Variants in GRIA1 observed in about 807,000 individuals in gnomAD.
GRIA1 encodes glutamate ionotropic receptor AMPA type subunit 1.
In GRIA1, 31 loss-of-function variants were observed where a neutral mutation model predicts 99.2. The observed-to-expected ratio is 0.31, with a 90% CI of 0.23 to 0.42. The LOEUF (loss-of-function observed/expected upper bound fraction) is 0.42. Ranked by LOEUF, GRIA1 falls within the 10% of genes least tolerant of loss-of-function variation. The pLI, the probability that GRIA1 is intolerant of heterozygous loss-of-function variation, is 1.00. For synonymous variants in GRIA1, 438 were observed against 432.4 expected (o/e 1.01, Z -0.16); for missense variants, 782 against 1,157.5 (o/e 0.68, Z 4.71).
chr5:153,527,550 A>T (rs1273139590), intron 2 of GRIA1, among the ~76,000 whole-genome samples: 2 of 152,152 alleles, frequency 1.3e-5, no homozygotes, highest in Non-Finnish European at 2.9e-5. Context: ...TGTGTAACCT[A>T]AGTGGATTAG....
intron 13 of GRIA1, among the ~76,000 whole-genome samples, chr5:153,773,631 G>A (rs1323796240): frequency 6.6e-6 from 1 of 152,084 alleles, no homozygotes; most frequent in Admixed American, 6.6e-5. Flanking sequence ...TAATTCTTTT[G>A]CATACATCTC....
chr5:153,640,485 T>G (rs1753710184), intron 2 of GRIA1, among the ~76,000 whole-genome samples: 1 of 152,216 alleles, frequency 6.6e-6, no homozygotes, highest in Non-Finnish European at 1.5e-5. Context: ...CCAGTCATAC[T>G]GGTGTTTCTG....
chr5:153,701,005 G>A (rs1315334424), intron 10 of GRIA1, among the ~76,000 whole-genome samples: 1 of 152,182 alleles, frequency 6.6e-6, no homozygotes, highest in Non-Finnish European at 1.5e-5. Flanking sequence ...GACCTGGATA[G>A]TACATGCTGC....
At chr5:153,693,182 T>C (rs548834224) in intron 8 of GRIA1, among the ~76,000 whole-genome samples, 3 of 152,232 alleles carry the variant, frequency 2.0e-5, no homozygotes, top group South Asian at 2.1e-4. Flanking sequence ...AGCTAACAGA[T>C]AGGAATGAAA....
intron 11 of GRIA1, among the ~76,000 whole-genome samples, chr5:153,708,575 A>G (rs963903252): frequency 1.3e-5 from 2 of 152,242 alleles, no homozygotes; most frequent in Non-Finnish European, 2.9e-5. Context: ...AAGTATGTAT[A>G]GATCCTATAA....
At chr5:153,809,689 T>C (rs1484571372) in intron 15 of GRIA1, among the ~76,000 whole-genome samples, 2 of 152,244 alleles carry the variant, frequency 1.3e-5, no homozygotes, top group African/African-American at 4.8e-5. Context: ...CTGGACACTC[T>C]GTGGGATAGC....
chr5:153,504,671 G>A (rs1466612295), intron 2 of GRIA1, among the ~76,000 whole-genome samples: 1 of 152,110 alleles, frequency 6.6e-6, no homozygotes, highest in Admixed American at 6.5e-5. Context: ...AAGCTGTAGG[G>A]GTCTTTGGTA....
At chr5:153,751,107 GAGA>G (rs1171399544) in intron 11 of GRIA1, among the ~76,000 whole-genome samples, 2 of 152,142 alleles carry the variant, frequency 1.3e-5, no homozygotes, top group African/African-American at 2.4e-5. Flanking sequence ...TCAAAAAAAA[GAGA>G]AGGAGAAGTA....
chr5:153,644,836 C>G (rs1754020543), intron 2 of GRIA1, among the ~76,000 whole-genome samples: 1 of 151,638 alleles, frequency 6.6e-6, no homozygotes, highest in Non-Finnish European at 1.5e-5. Flanking sequence ...GGTGCAGAGT[C>G]TCCCATGCAG....
At chr5:153,668,805 C>A (rs538185360) in intron 5 of GRIA1, among the ~76,000 whole-genome samples, 44 of 152,358 alleles carry the variant, frequency 2.9e-4, no homozygotes, top group African/African-American at 1.0e-3. Flanking sequence ...TCAAGAAAGA[C>A]AGCTACATTT....
At chr5:153,592,442 C>T (rs973058339) in intron 2 of GRIA1, among the ~76,000 whole-genome samples, 1 of 152,052 alleles carries the variant, frequency 6.6e-6, no homozygotes, top group Non-Finnish European at 1.5e-5. Flanking sequence ...ATCACTTTAT[C>T]TCTTGTATCC....
chr5:153,700,393 A>G (rs1758432123), intron 10 of GRIA1, among the ~76,000 whole-genome samples: 2 of 152,210 alleles, frequency 1.3e-5, no homozygotes, highest in African/African-American at 4.8e-5. Flanking sequence ...CTCAAAAATG[A>G]TAATAAAAAA....
At chr5:153,713,562 C>T (rs1475970237) in intron 11 of GRIA1, among the ~76,000 whole-genome samples, 1 of 152,220 alleles carries the variant, frequency 6.6e-6, no homozygotes, top group East Asian at 1.9e-4. Flanking sequence ...AGAAGTTTCA[C>T]AAGCTCCAAA....
Position 153,577,162 on chromosome 5 carries a change from A to T in GRIA1, c.221-69766A>T, listed in dbSNP as rs146117223. On this transcript the variant is annotated intron_variant, in intron 2 of 15. Coordinates refer to ENST00000285900, the MANE Select transcript of GRIA1 (RefSeq NM_000827.4). ...GATGGATGGATGGATGGTTGGATGGATGGATGGATGGATGGATGGATGGAT... is the reference window on the plus strand; with the variant it reads ...GATGGATGGATGGATGGTTGGATGGTTGGATGGATGGATGGATGGATGGAT... 4.0e-4 allele frequency among the ~76,000 whole-genome samples: 21 copies of T among 51,888 alleles called. 1 individual carries two copies. Among genetic ancestry groups the T allele is most frequent in the African/African-American group, 6.8e-4 (15 of 22,082 alleles). 34.0% of individuals were successfully genotyped at this position (51,888 alleles called of 152,430 possible).
intron 11 of GRIA1, among the ~76,000 whole-genome samples, chr5:153,741,623 A>T (rs6878074): frequency 2.0e-5 from 3 of 152,220 alleles, no homozygotes; most frequent in African/African-American, 7.2e-5. Flanking sequence ...AACCTTGAGG[A>T]CATTATGCTA....
chr5:153,592,582 T>G (rs1397009016), intron 2 of GRIA1, among the ~76,000 whole-genome samples: 1 of 152,234 alleles, frequency 6.6e-6, no homozygotes, highest in African/African-American at 2.4e-5. Flanking sequence ...CTTCAAGTCA[T>G]AAGACAAAAT....
At chr5:153,584,463 C>T (rs1349592226) in intron 2 of GRIA1, among the ~76,000 whole-genome samples, 1 of 152,148 alleles carries the variant, frequency 6.6e-6, no homozygotes, top group African/African-American at 2.4e-5. Flanking sequence ...TGGAAGTCTG[C>T]ACAATCTGTT....
chr5:153,745,312 G>A (rs996228783), intron 11 of GRIA1, among the ~76,000 whole-genome samples: 12 of 150,208 alleles, frequency 8.0e-5, no homozygotes, highest in Non-Finnish European at 1.8e-4. Context: ...AATAGACTGG[G>A]CATGGTGGCT....
rs763544080 is a variant in GRIA1 at position 153,811,205 on chromosome 5, T to C, written c.2701T>C (p.Leu901=). The change falls in exon 16 of 16, where the codon TTG becomes CTG. Residue 901 remains leucine, a synonymous_variant. Transcript: ENST00000285900. ...CATGAGCCACAGTTCAGGGATGCCC[T>C]TGGGAGCCACGGGATTGTAACTGGA... ...PCMSHSSGMP[L]GATGL is the part of the protein sequence containing the mutation. The C allele has an allele frequency of 3.1e-6, 5 of 1,613,840 alleles. No individual in the cohort carries two copies. Among genetic ancestry groups the C allele is most frequent in the East Asian group, 2.2e-5 (1 of 44,862 alleles).
Sources: gnomAD v4.1 joint callset for allele counts (sites outside exome capture counted in the v4.1 genomes callset) on GRCh38, gnomAD v4.1.1 for gene constraint, MANE v1.5 for transcripts, NCBI Gene and HGNC (gene_info 2026-07-23, HGNC 2026-07-21) for gene names.